GPM6A: variants seen among roughly 807,000 people sequenced by gnomAD.
GPM6A encodes the protein neuronal membrane glycoprotein M6-a.
GPM6A carries 7 observed loss-of-function variants against 32.1 expected under a neutral mutation model. The observed-to-expected ratio is 0.22, with a 90% confidence interval of 0.12 to 0.41. The LOEUF is 0.41. Among genes scored for constraint, GPM6A ranks in the 10% least tolerant of loss-of-function variants. The pLI, the probability that GPM6A is intolerant of heterozygous loss-of-function variation, is 1.00. For missense variants in GPM6A, 235 were observed against 347.2 expected (o/e 0.68, Z 2.57); for synonymous variants, 130 against 123.4 (o/e 1.05, Z -0.35).
intron 1 of GPM6A, among the ~76,000 whole-genome samples, chr4:175,937,064 G>T (rs555023090): frequency 6.6e-6 from 1 of 152,018 alleles, no homozygotes; most frequent in African/African-American, 2.4e-5. Context: ...ACTTTCAAGG[G>T]TACAGACAAC....
rs183718357 is a variant in GPM6A, at chr4:175,668,322, G to A, written c.387+5358C>T. On this transcript the variant is annotated intron_variant, in intron 3 of 6. Transcript: ENST00000393658. ...CCTGGCCCTTCTTCCTCAATGCCAC[G>A]GTTTTTCAAACATTTTTTTAAAATA... Among the ~76,000 whole-genome samples the A allele has an allele frequency of 3.3e-5, 5 of 151,282 alleles. No homozygotes were observed. In the East Asian group the frequency reaches 7.7e-4, roughly 23 times the overall value.
chr4:175,982,048 CT>C (rs1206223296), intron 1 of GPM6A, among the ~76,000 whole-genome samples: 1 of 152,060 alleles, frequency 6.6e-6, no homozygotes, highest in African/African-American at 2.4e-5. Context: ...TATTTGCCAC[CT>C]GTATATCTTT....
chr4:175,662,254 C>T (rs886993488), intron 3 of GPM6A, among the ~76,000 whole-genome samples: 1 of 152,052 alleles, frequency 6.6e-6, no homozygotes, highest in Non-Finnish European at 1.5e-5. Flanking sequence ...TGCCTGCATA[C>T]CACCTCGCAC....
At chr4:175,887,806 C>A (rs1737510988) in intron 1 of GPM6A, among the ~76,000 whole-genome samples, 1 of 151,766 alleles carries the variant, frequency 6.6e-6, no homozygotes, top group Non-Finnish European at 1.5e-5. Context: ...AATGAAATAG[C>A]AAGCCTGAAC....
intron 1 of GPM6A, among the ~76,000 whole-genome samples, chr4:175,928,463 G>C (rs1738920402): frequency 6.6e-6 from 1 of 152,088 alleles, no homozygotes; most frequent in Admixed American, 6.5e-5. Flanking sequence ...AGCATTACAA[G>C]CTTATAAGAC....
chr4:175,709,149 G>T (rs1012424761), intron 1 of GPM6A, among the ~76,000 whole-genome samples: 1 of 151,924 alleles, frequency 6.6e-6, no homozygotes, highest in Non-Finnish European at 1.5e-5. Context: ...TTTTTAATGC[G>T]TTCGTCATCT....
chr4:175,679,725 G>T (rs571550917), intron 2 of GPM6A, among the ~76,000 whole-genome samples: 2 of 152,074 alleles, frequency 1.3e-5, no homozygotes, highest in African/African-American at 2.4e-5. Flanking sequence ...ACGGACTAAT[G>T]GTATCTGATT....
At chr4:175,703,105 T>C (rs914922540) in intron 1 of GPM6A, among the ~76,000 whole-genome samples, 1 of 152,166 alleles carries the variant, frequency 6.6e-6, no homozygotes, top group Non-Finnish European at 1.5e-5. Context: ...AAAAAAATAG[T>C]GCTTGACATA....
chr4:175,856,547 T>A (rs1579571165), intron 1 of GPM6A, among the ~76,000 whole-genome samples: 1 of 152,342 alleles, frequency 6.6e-6, no homozygotes, highest in East Asian at 1.9e-4. Flanking sequence ...GTCAAACAGC[T>A]CAGTGAAGAG....
At chr4:175,822,651 CT>C (rs11446115) in intron 1 of GPM6A, among the ~76,000 whole-genome samples, 6 of 148,188 alleles carry the variant, frequency 4.0e-5, no homozygotes, top group African/African-American at 1.2e-4. Context: ...TCTTTTCATG[CT>C]TTTTTTTTTG....
At chr4:175,695,210 T>C (rs568797733) in intron 2 of GPM6A, among the ~76,000 whole-genome samples, 1 of 152,076 alleles carries the variant, frequency 6.6e-6, no homozygotes, top group Non-Finnish European at 1.5e-5. Flanking sequence ...GGAGGGGAAA[T>C]GTGAGGTTGG....
chr4:175,879,231 C>A (rs1238436412), intron 1 of GPM6A, among the ~76,000 whole-genome samples: 1 of 152,198 alleles, frequency 6.6e-6, no homozygotes, highest in Non-Finnish European at 1.5e-5. Context: ...CTTCTGACCA[C>A]TTCAAACTGT....
chr4:175,742,676 T>C (rs946263344), intron 1 of GPM6A, among the ~76,000 whole-genome samples: 6 of 152,076 alleles, frequency 3.9e-5, no homozygotes, highest in African/African-American at 1.4e-4. Context: ...AGAAAACTAT[T>C]TCAGGAATTT....
chr4:175,680,075 A>C (rs1743596030), intron 2 of GPM6A, among the ~76,000 whole-genome samples: 1 of 152,226 alleles, frequency 6.6e-6, no homozygotes, highest in South Asian at 2.1e-4. Flanking sequence ...TAAGAAACAC[A>C]TGTATGTATA....
At chr4:175,807,909 T>C (rs1318013856) in intron 1 of GPM6A, among the ~76,000 whole-genome samples, 1 of 152,178 alleles carries the variant, frequency 6.6e-6, no homozygotes, top group African/African-American at 2.4e-5. Context: ...GTGACTTTGG[T>C]CTAGTCAATT....
intron 1 of GPM6A, among the ~76,000 whole-genome samples, chr4:175,779,920 A>G (rs1413242180): frequency 1.3e-5 from 2 of 152,158 alleles, no homozygotes; most frequent in Non-Finnish European, 2.9e-5. Flanking sequence ...GATAATACAC[A>G]TGTATTCATT....
intron 1 of GPM6A, among the ~76,000 whole-genome samples, chr4:175,726,861 T>G (rs867925159): frequency 6.6e-6 from 1 of 152,068 alleles, no homozygotes; most frequent in Non-Finnish European, 1.5e-5. Flanking sequence ...CCGGGTGTGT[T>G]GATGTGCACC....
chr4:175,956,391 T>G (rs1313783185), intron 1 of GPM6A, among the ~76,000 whole-genome samples: 1 of 152,238 alleles, frequency 6.6e-6, no homozygotes, highest in East Asian at 1.9e-4. Flanking sequence ...TTTTTCTACT[T>G]ATATTTCATT....
At chr4:175,878,367 C>A (rs560042310) in intron 1 of GPM6A, among the ~76,000 whole-genome samples, 1 of 152,194 alleles carries the variant, frequency 6.6e-6, no homozygotes, top group Admixed American at 6.5e-5. Flanking sequence ...TCTGTGAGTG[C>A]CCCACCCCTG....
Sources: allele counts gnomAD v4.1 joint callset (sites outside exome capture counted in the v4.1 genomes callset), GRCh38; gene constraint gnomAD v4.1.1; transcripts MANE v1.5; gene names NCBI Gene and HGNC (gene_info 2026-07-23, HGNC 2026-07-21).